Variants in C8B observed in about 807,000 individuals in gnomAD.
The protein encoded by C8B is complement component C8 beta chain.
A neutral mutation model predicts 64.6 loss-of-function variants in C8B; 67 were observed. The ratio of observed to expected loss-of-function variants is 1.04; its 90% CI spans 0.85 to 1.27. The LOEUF (loss-of-function observed/expected upper bound fraction) is 1.27, where lower values mean the gene tolerates loss of function less well. Among genes scored for constraint, C8B ranks in the 50% most tolerant of loss-of-function variants. C8B has a pLI of 0.00. For missense variants in C8B, 790 were observed against 725.2 expected (o/e 1.09, Z -1.03); for synonymous variants, 284 against 257.7 (o/e 1.10, Z -0.98).
At chr1:56,948,444 C>A (rs1644974362) in intron 6 of C8B, among the ~76,000 whole-genome samples, 3 of 152,224 alleles carry the variant, frequency 2.0e-5, no homozygotes, top group East Asian at 3.9e-4. Context: ...GGGGAATATG[C>A]CATTAACATC....
intron 6 of C8B, among the ~76,000 whole-genome samples, chr1:56,946,389 T>C (rs1644943083): frequency 6.6e-6 from 1 of 152,190 alleles, no homozygotes; most frequent in Non-Finnish European, 1.5e-5. Flanking sequence ...TTTGCTAACC[T>C]GCAAAAGTGC....
chr1:56,938,913 G>A (rs1478575387), intron 9 of C8B, among the ~76,000 whole-genome samples: 1 of 151,748 alleles, frequency 6.6e-6, no homozygotes, highest in African/African-American at 2.4e-5. Flanking sequence ...GCATGTGAGA[G>A]TGGGATGCCC....
rs1198151017 is a variant in C8B, at chr1:56,965,965, G to T, written c.-17C>A. On this transcript the variant is annotated 5_prime_UTR_variant, in exon 1 of 12. Transcript: ENST00000371237. ...ATTCTTCATTTTCCCAATGTGACAG[G>T]AGATGCCACAGAGGCTGCTAGACCC... The T allele has an allele frequency of 1.2e-6, 2 of 1,613,468 alleles. No individual in the cohort carries two copies. Among genetic ancestry groups the T allele is most frequent in the African/African-American group, 1.3e-5 (1 of 75,000 alleles).
At chr1:56,959,524 C>G in intron 2 of C8B, 5 of 1,435,894 alleles carry the variant, frequency 3.5e-6, no homozygotes, top group Non-Finnish European at 4.7e-6. Flanking sequence ...GAAATGTCAT[C>G]CTACCTGAGA....
Position 56,965,879 on chromosome 1 carries a change from A to G in C8B, c.70T>C (p.Cys24Arg), listed in dbSNP as rs1204261645. 6.2e-7 allele frequency: 1 copy of G among 1,614,156 alleles called. No homozygotes were observed. Among genetic ancestry groups the G allele is most frequent in the South Asian group, 1.1e-5 (1 of 91,070 alleles). Residue 24 changes from cysteine (C) to arginine (R), a missense_variant, in exon 1 of 12, where the codon TGT becomes CGT. Cys to Arg is a radical substitution (Grantham distance 180). Transcript: ENST00000371237. Reference sequence around the variant, plus strand: ...TACCTGGAGCCAGGCAAACTGAGACAGCCCAGGGCAGCACAGAGAAGAAAT... The same window carrying G: ...TACCTGGAGCCAGGCAAACTGAGACGGCCCAGGGCAGCACAGAGAAGAAAT... ...ELFLLCAALG[C>R]LSLPGSRGER...
Position 56,933,364 on chromosome 1 carries a change from C to T in C8B, c.1523G>A (p.Cys508Tyr). 6.2e-7 allele frequency: 1 copy of T among 1,613,802 alleles called. No individual in the cohort carries two copies. The highest frequency in any genetic ancestry group is 8.5e-7 in the Non-Finnish European group (1 of 1,179,758). Residue 508 changes from cysteine to tyrosine, a missense_variant, in exon 10 of 12, where the codon TGC (cysteine) becomes TAC (tyrosine). By Grantham distance (194) the Cys-to-Tyr change is radical. Coordinates refer to ENST00000371237, the MANE Select transcript of C8B (RefSeq NM_000066.4). ...KEVSSCHCAP[C>Y]QGNGVPVLKG... ...CAGGACAGGGACTCCATTTCCTTGG[C>T]AGGGAGCACAGTGGCAGGAACTAAC... is the stretch of plus-strand genomic sequence containing the variant.
At position 56,965,400 on chromosome 1, in the gene C8B, T is replaced by A. The variant is rs113409710; in HGVS notation, c.92+457A>T. 8.2e-3 allele frequency among the ~76,000 whole-genome samples: 873 copies of A among 106,612 alleles called. 9 individuals carry two copies. The highest frequency in any genetic ancestry group is 0.038 in the African/African-American group (738 of 19,574). The allele number at this position is 106,612 out of a possible 152,430, so 69.9% of individuals were successfully genotyped here. ...GGGTGAGAGAGAGAGAGAGAGAGAG[T>A]GTGTGTGTGTGTGTGTGTGTGTGTA... is the stretch of plus-strand genomic sequence containing the variant. On this transcript the variant is annotated intron_variant, in intron 1 of 11. Coordinates refer to ENST00000371237, the MANE Select transcript of C8B (RefSeq NM_000066.4).
intron 8 of C8B, among the ~76,000 whole-genome samples, chr1:56,943,467 AGG>A (rs1270216443): frequency 2.6e-5 from 4 of 152,256 alleles, no homozygotes; most frequent in African/African-American, 9.6e-5. Context: ...TGGAAAACAC[AGG>A]ACTGGAAGGA....
intron 3 of C8B, among the ~76,000 whole-genome samples, chr1:56,955,650 C>T (rs1440200135): frequency 1.3e-5 from 2 of 152,182 alleles, no homozygotes; most frequent in Admixed American, 6.5e-5. Flanking sequence ...GTCCAAATAA[C>T]CATCATGGCT....
At chr1:56,941,078 C>T in intron 8 of C8B, 66 bp from the exon 9 acceptor site, 1 of 1,567,672 alleles carries the variant, frequency 6.4e-7, no homozygotes, top group Non-Finnish European at 8.7e-7. Flanking sequence ...TTTGCTGCAA[C>T]CCAACCAACA....
intron 5 of C8B, 52 bp from the exon 6 acceptor site, chr1:56,949,804 C>T (rs765663544): frequency 6.2e-6 from 8 of 1,281,036 alleles, no homozygotes; most frequent in African/African-American, 1.5e-5. Flanking sequence ...CAAATCAGTT[C>T]AATACCAGTG....
intron 1 of C8B, among the ~76,000 whole-genome samples, chr1:56,961,278 G>A (rs1360285296): frequency 4.6e-5 from 7 of 152,190 alleles, no homozygotes; most frequent in African/African-American, 1.2e-4. Flanking sequence ...AAAAAGAGAT[G>A]GGAAGACAAA....
At chr1:56,950,022 G>A (rs1644998432) in intron 5 of C8B, among the ~76,000 whole-genome samples, 1 of 152,178 alleles carries the variant, frequency 6.6e-6, no homozygotes, top group Admixed American at 6.5e-5. Context: ...ATTCTGGGCT[G>A]TGGGCTCAGC....
chr1:56,949,991 C>T, intron 5 of C8B, among the ~76,000 whole-genome samples: 1 of 152,076 alleles, frequency 6.6e-6, no homozygotes, highest in East Asian at 1.9e-4. Context: ...TGTATTTCAA[C>T]TGGCAAAAAT....
In C8B at chr1:56,943,773, C is replaced by A. The variant is rs373307501; in HGVS notation, c.1157G>T (p.Gly386Val). 1.2e-6 allele frequency: 2 copies of A among 1,614,082 alleles called. No individual in the cohort carries two copies. Among genetic ancestry groups the A allele is most frequent in the East Asian group, 2.2e-5 (1 of 44,878 alleles). ...HACAKNDFKIGGAIEEVYVSL... is the reference protein window; with the variant it reads ...HACAKNDFKIVGAIEEVYVSL... ...GACGTAGACCTCTTCAATGGCACCA[C>A]CAATTTTAAAATCATTTTTGGCACA... The change falls in exon 8 of 12, where the codon GGT becomes GTT. Residue 386 changes from glycine to valine, a missense_variant. Transcript: ENST00000371237.
chr1:56,951,940 C>T, intron 5 of C8B, 108 bp downstream of exon 5: 1 of 677,320 alleles, frequency 1.5e-6, no homozygotes, highest in South Asian at 2.9e-5. Context: ...TATGAAGAAA[C>T]TGAAGCTCAA....
rs899655782 is a variant in C8B at position 56,953,953 on chromosome 1, C to T, written c.533+733G>A. 3.3e-5 allele frequency among the ~76,000 whole-genome samples: 5 copies of T among 152,274 alleles called. No homozygotes were observed. The South Asian group carries it at 8.3e-4, about 25-fold the overall frequency. ...CTCCCATGTGAAGAGTCTCTAGTGA[C>T]AACTTTAAAAATTGAGATTTGATGG... On this transcript the variant is annotated intron_variant, in intron 4 of 11. Coordinates refer to ENST00000371237, the MANE Select transcript of C8B (RefSeq NM_000066.4).
intron 6 of C8B, among the ~76,000 whole-genome samples, chr1:56,948,069 C>T (rs1248812770): frequency 6.6e-6 from 1 of 152,226 alleles, no homozygotes; most frequent in Non-Finnish European, 1.5e-5. Flanking sequence ...GATCCCTAGT[C>T]TATCTCTAGG....
At position 56,958,017 on chromosome 1, in the gene C8B, G is replaced by A. The variant is rs183912490; in HGVS notation, c.250-1107C>T. On this transcript the variant is annotated intron_variant, in intron 2 of 11. Coordinates refer to ENST00000371237, the MANE Select transcript of C8B (RefSeq NM_000066.4). Reference sequence around the variant, plus strand: ...TGGAGGAAATTCCTGTACCAAAGCTGAGAGGACTAGAGAAGGTTTCCCGTG... The same window carrying A: ...TGGAGGAAATTCCTGTACCAAAGCTAAGAGGACTAGAGAAGGTTTCCCGTG... 2.0e-5 allele frequency among the ~76,000 whole-genome samples: 3 copies of A among 152,276 alleles called. No individual in the cohort carries two copies. In the East Asian group the frequency reaches 5.8e-4, roughly 30 times the overall value.
Sources: allele counts gnomAD v4.1 joint callset (sites outside exome capture counted in the v4.1 genomes callset), GRCh38; gene constraint gnomAD v4.1.1; transcripts MANE v1.5; gene names NCBI Gene and HGNC (gene_info 2026-07-23, HGNC 2026-07-21).